Variants in DCTN1 observed in about 807,000 individuals in gnomAD.
DCTN1 encodes the protein 150 kDa dynein-associated polypeptide.
In DCTN1, 61 loss-of-function variants were observed where a neutral mutation model predicts 161.2. The observed-to-expected ratio is 0.38, with a 90% CI of 0.31 to 0.47. The LOEUF is 0.47. Among genes scored for constraint, DCTN1 ranks in the 20% least tolerant of loss-of-function variants. DCTN1 has a pLI of 0.99. For missense variants in DCTN1, 1,404 were observed against 1,623.7 expected (o/e 0.86, Z 2.33); for synonymous variants, 653 against 632.4 (o/e 1.03, Z -0.49).
intron 7 of DCTN1, among the ~76,000 whole-genome samples, chr2:74,372,585 CCT>C (rs1174720667): frequency 3.9e-5 from 6 of 152,224 alleles, no homozygotes; most frequent in South Asian, 4.1e-4. Flanking sequence ...CTCCTTATCC[CCT>C]GACATTTTAC....
chr2:74,362,517 AG>A lies in DCTN1; in HGVS notation c.3609+132del. ...ACTGAGACAGTGAGCTTCCAAGGCAAGAACCCTGCCTTCCCTTCCATCTCCT... is the reference window on the plus strand; with the variant it reads ...ACTGAGACAGTGAGCTTCCAAGGCAAAACCCTGCCTTCCCTTCCATCTCCT... On this transcript the variant is annotated intron_variant, in intron 30 of 31. Transcript: ENST00000628224. The A allele has an allele frequency of 4.3e-6, 4 of 922,478 alleles. 1 individual carries two copies. The South Asian group carries it at 5.6e-5, about 13-fold the overall frequency. The allele number at this position is 922,478 out of a possible 1,614,324, so 57.1% of individuals were successfully genotyped here.
intron 19 of DCTN1, 97 bp from the exon 20 acceptor site, chr2:74,367,204 A>T: frequency 6.5e-7 from 1 of 1,543,116 alleles, no homozygotes; most frequent in Non-Finnish European, 8.9e-7. Flanking sequence ...TGACCCCCAT[A>T]CATAAGTAGG....
chr2:74,363,011 A>G lies in DCTN1; in HGVS notation c.3512T>C (p.Ile1171Thr). ...QLSTHTHVVD[I>T]TRTSPAAKSP... ...GTACATACCAGGGCTGGTGCGAGTG[A>G]TGTCTACTACGTGCGTGTGTGTGCT... The change falls in exon 29 of 32, where the codon ATC (isoleucine) becomes ACC (threonine). Residue 1171 changes from isoleucine to threonine, a missense_variant. Ile to Thr is a moderately conservative substitution (Grantham distance 89). This residue lies in a region of DCTN1 where 311 missense variants were observed against 298.9 expected (regional missense o/e 1.04). Transcript: ENST00000628224. The G allele has an allele frequency of 6.2e-7, 1 of 1,613,404 alleles. No homozygotes were observed. The highest frequency in any genetic ancestry group is 1.1e-5 in the South Asian group (1 of 90,988).
intron 30 of DCTN1, among the ~76,000 whole-genome samples, 193 bp from the exon 31 acceptor site, chr2:74,362,334 G>A (rs955306570): frequency 6.6e-6 from 1 of 152,062 alleles, no homozygotes; most frequent in Admixed American, 6.6e-5. Context: ...TCCTCATCCT[G>A]TAAGGCCCAA....
chr2:74,371,387 G>C, intron 8 of DCTN1, 150 bp downstream of exon 8: 1 of 1,260,448 alleles, frequency 7.9e-7, no homozygotes. Flanking sequence ...GGATGGCTCA[G>C]TCAGTAGCAA....
Position 74,363,431 on chromosome 2 carries a change from TG to T in DCTN1, c.3212-5del. 1 of 1,611,992 alleles carries T rather than the reference TG, an allele frequency of 6.2e-7. No homozygotes were observed. Among genetic ancestry groups the T allele is most frequent in the Non-Finnish European group, 8.5e-7 (1 of 1,179,732 alleles). Reference sequence around the variant, plus strand: ...GGAGCCTGCCCAGGGATGGCTCCTGTGGGGACCATAAAAAATCTCATCAGCC... The same window carrying T: ...GGAGCCTGCCCAGGGATGGCTCCTGTGGGACCATAAAAAATCTCATCAGCC... On this transcript the variant is annotated splice_region_variant and splice_polypyrimidine_tract_variant and intron_variant, in intron 27 of 31. Coordinates refer to ENST00000628224, the MANE Select transcript of DCTN1 (RefSeq NM_004082.5).
intron 1 of DCTN1, 42 bp from the exon 2 acceptor site, chr2:74,378,287 T>C: frequency 2.5e-6 from 4 of 1,599,002 alleles, no homozygotes; most frequent in South Asian, 2.2e-5. Flanking sequence ...AGGCCTCAGA[T>C]CAAAGGTGGC....
intron 5 of DCTN1, 86 bp downstream of exon 5, chr2:74,376,656 C>G: frequency 1.5e-6 from 2 of 1,308,150 alleles, no homozygotes; most frequent in South Asian, 2.5e-5. Context: ...CACACACATG[C>G]ATGCAGCAGC....
rs1367577788 is a variant in DCTN1 at position 74,361,344 on chromosome 2, A to G, written c.*155T>C. The G allele has an allele frequency of 1.9e-6, 2 of 1,063,030 alleles. No individual in the cohort carries two copies. The highest frequency in any genetic ancestry group is 2.0e-5 in the Admixed American group (1 of 50,464). The allele number at this position is 1,063,030 out of a possible 1,614,324, so 65.8% of individuals were successfully genotyped here. A position where few individuals can be genotyped will look rare whatever the true frequency, so the allele number is the denominator to read the frequency against. On this transcript the variant is annotated 3_prime_UTR_variant, in exon 32 of 32. Transcript: ENST00000628224. ...AGTGGGGGAACCCGGGTCAAGGTGA[A>G]GGGGCAGGACGCTGAAAGGGTGGGA...
intron 1 of DCTN1, 96 bp downstream of exon 1, chr2:74,379,909 C>T: frequency 7.6e-7 from 1 of 1,318,938 alleles, no homozygotes; most frequent in Non-Finnish European, 1.1e-6. Flanking sequence ...AGCTGAGCTC[C>T]AGCCTATCTC....
rs1675431848 is a variant in DCTN1, at chr2:74,379,888, T to C, written c.33+117A>G. 8.5e-6 allele frequency: 9 copies of C among 1,062,984 alleles called. No individual in the cohort carries two copies. In the South Asian group the frequency reaches 1.2e-4, roughly 14 times the overall value. The allele number at this position is 1,062,984 out of a possible 1,614,324, so 65.8% of individuals were successfully genotyped here. The stretch of plus-strand genomic sequence containing the variant: ...CGAGGGCTCCTTAGAAAACACAGTC[T>C]GAGTGCCCTCAGCTGAGCTCCAGCC... On this transcript the variant is annotated intron_variant, in intron 1 of 31. Transcript: ENST00000628224.
chr2:74,383,081 C>CAA (rs1184829255), upstream of DCTN1, among the ~76,000 whole-genome samples: 25 of 99,354 alleles, frequency 2.5e-4, no homozygotes, highest in African/African-American at 7.2e-4. Flanking sequence ...GACTCCGTCT[C>CAA]AAAAAAAAAA....
In DCTN1 at chr2:74,362,158, G is replaced by A; in HGVS notation, c.3610-17C>T. 9 of 1,611,466 alleles carry A rather than the reference G, an allele frequency of 5.6e-6. No individual in the cohort carries two copies. The highest frequency in any genetic ancestry group is 5.9e-6 in the Non-Finnish European group (7 of 1,177,904). ...GACCTCATCCTAGGGAAGGGGAGAG[G>A]AAGACAAGGGTTCATTTATGGGACC... On this transcript the variant is annotated splice_polypyrimidine_tract_variant and intron_variant, in intron 30 of 31. Coordinates refer to ENST00000628224, the MANE Select transcript of DCTN1 (RefSeq NM_004082.5).
At chr2:74,385,203 G>A (rs1219810399), upstream of DCTN1, 1 of 152,178 alleles carries the variant, frequency 6.6e-6, no homozygotes, top group Admixed American at 6.5e-5. Flanking sequence ...CCTTTCCCCA[G>A]AAATATCCAG....
intron 30 of DCTN1, 84 bp downstream of exon 30, chr2:74,362,566 G>T: frequency 7.0e-7 from 1 of 1,424,578 alleles, no homozygotes; most frequent in Non-Finnish European, 9.7e-7. Flanking sequence ...TCTAGCACAG[G>T]GCTGGGCTCA....
At chr2:74,376,397 G>C in intron 5 of DCTN1, among the ~76,000 whole-genome samples, 1 of 152,278 alleles carries the variant, frequency 6.6e-6, no homozygotes, top group South Asian at 2.1e-4. Context: ...TTCCACAGTC[G>C]TCCAAGCTCG....
In DCTN1 at chr2:74,380,254, G is replaced by A; in HGVS notation, c.-217C>T. 2 of 634,370 alleles carry A rather than the reference G, an allele frequency of 3.2e-6. No homozygotes were observed. Among genetic ancestry groups the A allele is most frequent in the East Asian group, 5.6e-5 (2 of 35,808 alleles). 39.3% of individuals were successfully genotyped at this position (634,370 alleles called of 1,614,324 possible). Reference sequence around the variant, plus strand: ...GAGGAGCAAGTCCCCTCTGCTGCCTGAGGATTCCTGAACCCAGAGACACAG... The same window carrying A: ...GAGGAGCAAGTCCCCTCTGCTGCCTAAGGATTCCTGAACCCAGAGACACAG... On this transcript the variant is annotated 5_prime_UTR_variant, in exon 1 of 32. Coordinates refer to ENST00000628224, the MANE Select transcript of DCTN1 (RefSeq NM_004082.5).
At chr2:74,367,922 G>A (rs1193919804) in intron 17 of DCTN1, 49 bp downstream of exon 17, 1 of 1,614,194 alleles carries the variant, frequency 6.2e-7, no homozygotes, top group South Asian at 1.1e-5. Flanking sequence ...CTCAGTTCTG[G>A]CCAATCCTGG....
In DCTN1 at chr2:74,369,179, T is replaced by C; in HGVS notation, c.1620A>G (p.Ala540=). The change falls in exon 15 of 32, where the codon GCA becomes GCG. Residue 540 remains alanine (A), a synonymous_variant. Coordinates refer to ENST00000628224, the MANE Select transcript of DCTN1 (RefSeq NM_004082.5). This position sits in a 1 kb window ranked among gnomAD's most constrained non-coding sequence, Gnocchi z 4.9. ...VNRELTNQQE[A]SVERQQQPPP... is the part of the protein sequence containing the mutation. Reference sequence around the variant, plus strand: ...GTGGCTGCTGTTGCCTCTCCACAGATGCTTCCTGCTGGTTTGTCAGTTCCC... The same window carrying C: ...GTGGCTGCTGTTGCCTCTCCACAGACGCTTCCTGCTGGTTTGTCAGTTCCC... 1 of 1,614,266 alleles carries C rather than the reference T, an allele frequency of 6.2e-7. No individual in the cohort carries two copies. Among genetic ancestry groups the C allele is most frequent in the Non-Finnish European group, 8.5e-7 (1 of 1,180,050 alleles).
Sources: gnomAD v4.1 joint callset for allele counts (sites outside exome capture counted in the v4.1 genomes callset) on GRCh38, gnomAD v4.1.1 for gene constraint, gnomAD v4.1.1 regional missense constraint, Gnocchi (gnomAD v3.1) non-coding constraint, MANE v1.5 for transcripts, NCBI Gene and HGNC (gene_info 2026-07-23, HGNC 2026-07-21) for gene names.